C8orf34: variants seen among roughly 807,000 people sequenced by gnomAD.
C8orf34 encodes uncharacterized protein C8orf34.
In C8orf34, 65 loss-of-function variants were observed where a neutral mutation model predicts 68.3. The observed-to-expected ratio is 0.95, with a 90% CI of 0.78 to 1.17. The LOEUF is 1.17. Among genes scored for constraint, C8orf34 ranks in the 50% most tolerant of loss-of-function variants. The pLI is 0.00. For missense variants in C8orf34, 664 were observed against 655.4 expected (o/e 1.01, Z -0.14); for synonymous variants, 244 against 241.2 (o/e 1.01, Z -0.11).
chr8:68,803,378 A>C (rs1284724366), intron 12 of C8orf34, among the ~76,000 whole-genome samples: 2 of 152,140 alleles, frequency 1.3e-5, no homozygotes, highest in African/African-American at 4.8e-5. Context: ...AATTAGCCAC[A>C]CTAGCATAAT....
chr8:68,469,568 C>T (rs1419277086), intron 4 of C8orf34, among the ~76,000 whole-genome samples: 7 of 151,942 alleles, frequency 4.6e-5, no homozygotes, highest in Non-Finnish European at 7.4e-5. Context: ...TGCAGCCATA[C>T]GTATACACTA....
chr8:68,754,888 A>G (rs1024024986), intron 10 of C8orf34, among the ~76,000 whole-genome samples: 9 of 152,224 alleles, frequency 5.9e-5, no homozygotes, highest in Admixed American at 6.5e-5. Context: ...TAAACATAGG[A>G]TAGACACATT....
At chr8:68,600,448 TC>T (rs1817667042) in intron 7 of C8orf34, among the ~76,000 whole-genome samples, 1 of 152,136 alleles carries the variant, frequency 6.6e-6, no homozygotes. Flanking sequence ...GTTCTAATGT[TC>T]CCTTTGTTAT....
At chr8:68,485,724 A>AATAAAT (rs34400081) in intron 4 of C8orf34, among the ~76,000 whole-genome samples, 82,670 of 147,098 alleles carry the variant, frequency 0.56, 23,665 homozygotes, top group East Asian at 0.81. Context: ...AAAAAAATAA[A>AATAAAT]AAATAAATAA....
At chr8:68,550,437 A>T (rs1388698899) in intron 7 of C8orf34, among the ~76,000 whole-genome samples, 1 of 151,884 alleles carries the variant, frequency 6.6e-6, no homozygotes, top group African/African-American at 2.4e-5. Flanking sequence ...TCATATATAC[A>T]TATGCATACA....
chr8:68,487,993 T>A, intron 4 of C8orf34, 30 bp from the exon 5 acceptor site: 1 of 1,526,542 alleles, frequency 6.6e-7, no homozygotes, highest in Non-Finnish European at 9.0e-7. Flanking sequence ...CTTCTAAAAC[T>A]TTTTTTTATA....
intron 1 of C8orf34, among the ~76,000 whole-genome samples, chr8:68,345,711 A>G (rs1209073370): frequency 6.6e-6 from 1 of 152,010 alleles, no homozygotes; most frequent in Non-Finnish European, 1.5e-5. Flanking sequence ...ATATATACAT[A>G]CATGTGTGTA....
intron 3 of C8orf34, among the ~76,000 whole-genome samples, chr8:68,464,442 A>C (rs1254559662): frequency 6.6e-6 from 1 of 151,832 alleles, no homozygotes; most frequent in Non-Finnish European, 1.5e-5. Context: ...AGAATTGGAA[A>C]AAACTACTTT....
chr8:68,476,667 T>C (rs1812631814), intron 4 of C8orf34, among the ~76,000 whole-genome samples: 1 of 152,108 alleles, frequency 6.6e-6, no homozygotes, highest in South Asian at 2.1e-4. Context: ...ATTCAGTAGA[T>C]TTGGGGGAAA....
chr8:68,675,730 G>A (rs974481957), intron 8 of C8orf34, among the ~76,000 whole-genome samples: 1 of 152,134 alleles, frequency 6.6e-6, no homozygotes, highest in Non-Finnish European at 1.5e-5. Flanking sequence ...AATAGCAGGA[G>A]TAAGTCCTTA....
intron 8 of C8orf34, among the ~76,000 whole-genome samples, chr8:68,648,543 G>T (rs1819247098): frequency 6.6e-6 from 1 of 152,098 alleles, no homozygotes; most frequent in East Asian, 1.9e-4. Context: ...TGTTTGCGTG[G>T]ACTCATGCCA....
intron 7 of C8orf34, among the ~76,000 whole-genome samples, chr8:68,622,652 GT>G (rs1818421590): frequency 6.6e-6 from 1 of 152,152 alleles, no homozygotes; most frequent in South Asian, 2.1e-4. Context: ...TCTTTGTTTT[GT>G]TAGTCATGGT....
intron 9 of C8orf34, among the ~76,000 whole-genome samples, chr8:68,719,160 A>G (rs1056214420): frequency 1.3e-5 from 2 of 152,112 alleles, no homozygotes; most frequent in African/African-American, 4.8e-5. Flanking sequence ...TTTTACCTTC[A>G]TGGTGTCTCT....
chr8:68,774,022 C>T lies in C8orf34; in HGVS notation c.1405-2377C>T, dbSNP rs79853858. Among the ~76,000 whole-genome samples, 632 of 152,286 alleles carry T rather than the reference C, an allele frequency of 4.2e-3. 5 individuals carry two copies. Among genetic ancestry groups the T allele is most frequent in the African/African-American group, 0.014 (600 of 41,552 alleles). On this transcript the variant is annotated intron_variant, in intron 10 of 13. Transcript: ENST00000518698. ...CTCTTCAGTGAGCGCCCAGAAACTG[C>T]TCTCCAGCATCTCTCACTGTTAACC...
At chr8:68,424,669 G>A (rs944425651) in intron 1 of C8orf34, among the ~76,000 whole-genome samples, 3 of 152,156 alleles carry the variant, frequency 2.0e-5, no homozygotes, top group Non-Finnish European at 2.9e-5. Context: ...GGGAGGCTGA[G>A]GCGGGCAGAT....
At chr8:68,757,365 C>T (rs1822893168) in intron 10 of C8orf34, among the ~76,000 whole-genome samples, 1 of 152,140 alleles carries the variant, frequency 6.6e-6, no homozygotes, top group African/African-American at 2.4e-5. Flanking sequence ...CGCAGTGGCT[C>T]ATGCCTGTAA....
intron 1 of C8orf34, among the ~76,000 whole-genome samples, chr8:68,376,832 T>C (rs1308636761): frequency 6.6e-6 from 1 of 152,100 alleles, no homozygotes; most frequent in African/African-American, 2.4e-5. Flanking sequence ...TCAACCTGGC[T>C]CATGACATTT....
chr8:68,533,730 TG>T, intron 7 of C8orf34: 1 of 942,876 alleles, frequency 1.1e-6, no homozygotes, highest in Non-Finnish European at 1.3e-6. Context: ...TATTTTTTAA[TG>T]TAGTATATGT....
intron 8 of C8orf34, among the ~76,000 whole-genome samples, chr8:68,656,788 C>T (rs546260662): frequency 6.6e-6 from 1 of 152,264 alleles, no homozygotes; most frequent in African/African-American, 2.4e-5. Context: ...CCAATCTTCA[C>T]CCCAAGTAGG....
Sources: allele counts gnomAD v4.1 joint callset (sites outside exome capture counted in the v4.1 genomes callset), GRCh38; gene constraint gnomAD v4.1.1; transcripts MANE v1.5; gene names NCBI Gene and HGNC (gene_info 2026-07-23, HGNC 2026-07-21).